The following COQ8A variants were observed in gnomAD, a reference collection of about 807,000 sequenced individuals.
COQ8A encodes coenzyme Q8A.
Under a neutral mutation model 65.0 loss-of-function variants are expected in COQ8A, and 51 were observed. The observed-to-expected ratio is 0.78, with a 90% CI of 0.63 to 0.99. The LOEUF is 0.99. COQ8A is among the 50% of genes least tolerant of loss of function. COQ8A has a pLI of 0.00. For missense variants in COQ8A, 940 were observed against 875.0 expected (o/e 1.07, Z -0.94); for synonymous variants, 371 against 353.2 (o/e 1.05, Z -0.57).
chr1:226,976,320 C>T (rs867719359), intron 4 of COQ8A, among the ~76,000 whole-genome samples: 49 of 117,576 alleles, frequency 4.2e-4, no homozygotes, highest in Non-Finnish European at 7.6e-4. Context: ...GCGATGTTGC[C>T]GGGCTGCGGG....
At chr1:226,961,097 G>A (rs1224207475) in intron 1 of COQ8A, among the ~76,000 whole-genome samples, 1 of 152,170 alleles carries the variant, frequency 6.6e-6, no homozygotes, top group African/African-American at 2.4e-5. Flanking sequence ...GTTTTCCGTA[G>A]GGTGCTTGTG....
Position 226,961,420 on chromosome 1 carries a change from C to T in COQ8A, c.35C>T (p.Ala12Val), listed in dbSNP as rs200052870. 1.7e-5 allele frequency: 27 copies of T among 1,613,700 alleles called. No homozygotes were observed. The highest frequency in any genetic ancestry group is 2.2e-5 in the Non-Finnish European group (26 of 1,180,046). Residue 12 changes from alanine to valine, a missense_variant, in exon 2 of 15, where the codon GCT becomes GTT. Physicochemically the swap from Ala to Val is moderately conservative, Grantham distance 64 (BLOSUM62 0). Coordinates refer to ENST00000366777, the MANE Select transcript of COQ8A (RefSeq NM_020247.5). Reference sequence around the variant, plus strand: ...ATATTGGGAGACACCATCATGGTGGCTAAAGGCCTTGTCAAGCTGACCCAG... The same window carrying T: ...ATATTGGGAGACACCATCATGGTGGTTAAAGGCCTTGTCAAGCTGACCCAG... The part of the protein sequence containing the change: ...AAILGDTIMV[A>V]KGLVKLTQAA...
chr1:226,954,882 T>A (rs1187864986), intron 1 of COQ8A, among the ~76,000 whole-genome samples: 1 of 152,172 alleles, frequency 6.6e-6, no homozygotes, highest in Non-Finnish European at 1.5e-5. Flanking sequence ...TGGTCACTGC[T>A]GTGCTGGAGG....
intron 1 of COQ8A, among the ~76,000 whole-genome samples, chr1:226,953,348 CTA>C (rs1657505506): frequency 6.6e-6 from 1 of 152,346 alleles, no homozygotes; most frequent in East Asian, 1.9e-4. Context: ...TTTTCAATGA[CTA>C]TGTGGAATGC....
Position 226,983,553 on chromosome 1 carries a change from AC to A in COQ8A, c.1085del (p.Pro362LeufsTer18), listed in dbSNP as rs1473126291. 1 of 1,613,544 alleles carries A rather than the reference AC, an allele frequency of 6.2e-7. No individual in the cohort carries two copies. The highest frequency in any genetic ancestry group is 8.5e-7 in the Non-Finnish European group (1 of 1,179,930). ...CCTGCCTCACCCATACCCCCACAGT[AC>A]CCTGGCGTGGCCCAGAGCATCAACA... Reference protein sequence around the residue: ...GGREVAMKIQYPGVAQSINSD... With the variant: ...GGREVAMKIQXPGVAQSINSD... On this transcript the variant is annotated frameshift_variant and splice_region_variant, in exon 9 of 15. Coordinates refer to ENST00000366777, the MANE Select transcript of COQ8A (RefSeq NM_020247.5). LOFTEE classifies it high-confidence loss of function.
In COQ8A at chr1:226,981,951, C is replaced by T. The variant is rs951915512; in HGVS notation, c.731-76C>T. The T allele has an allele frequency of 2.2e-5, 36 of 1,601,218 alleles. No homozygotes were observed. In the African/African-American group the frequency reaches 4.8e-4, roughly 21 times the overall value. On this transcript the variant is annotated intron_variant, in intron 5 of 14. Coordinates refer to ENST00000366777, the MANE Select transcript of COQ8A (RefSeq NM_020247.5). ...GGAAGGACATTGTCTGAGCCTCCGT[C>T]TGTATCAGGTGGGGCTTGCCATCCC... is the stretch of plus-strand genomic sequence containing the variant.
intron 1 of COQ8A, among the ~76,000 whole-genome samples, chr1:226,942,367 A>G (rs996923973): frequency 2.0e-5 from 3 of 151,938 alleles, no homozygotes; most frequent in African/African-American, 2.4e-5. Flanking sequence ...GGAGGTAGAC[A>G]CCCATGGGCA....
At position 226,949,667 on chromosome 1, in the gene COQ8A, G is replaced by A. The variant is rs968754340; in HGVS notation, c.-10+9268G>A. On this transcript the variant is annotated intron_variant, in intron 1 of 14. Coordinates refer to ENST00000366777, the MANE Select transcript of COQ8A (RefSeq NM_020247.5). The surrounding 1 kb of genome is among the most constrained non-coding windows in gnomAD (Gnocchi z 4.0). ...GACTGTGCCTGGCAGGAACAACTGC[G>A]GGTTATCCAGACTGATCCCATTCAC... 2.6e-5 allele frequency among the ~76,000 whole-genome samples: 4 copies of A among 152,118 alleles called. No homozygotes were observed. The highest frequency in any genetic ancestry group is 1.9e-4 in the East Asian group (1 of 5,184).
chr1:226,948,655 C>T (rs948775585), intron 1 of COQ8A, among the ~76,000 whole-genome samples: 14 of 152,164 alleles, frequency 9.2e-5, no homozygotes, highest in African/African-American at 2.9e-4. Flanking sequence ...TCAACGCTTG[C>T]GCTTGTAATT....
Position 226,984,925 on chromosome 1 carries a change from C to G in COQ8A, c.1556C>G (p.Thr519Ser), listed in dbSNP as rs141260985. The change falls in exon 13 of 15, where the codon ACC (threonine) becomes AGC (serine). Residue 519 changes from threonine (T) to serine (S), a missense_variant. Thr to Ser is a moderately conservative substitution (Grantham distance 58, BLOSUM62 1). Coordinates refer to ENST00000366777, the MANE Select transcript of COQ8A (RefSeq NM_020247.5). ...GATREYDRSF[T>S]DLYIQIIRAA... ...ACGCGGGAATATGACAGATCCTTCA[C>G]CGACCTCTACATTCAGGTAACTGGA... The G allele has an allele frequency of 5.5e-5, 88 of 1,614,108 alleles. No homozygotes were observed. The highest frequency in any genetic ancestry group is 4.2e-4 in the Admixed American group (25 of 60,008).
chr1:226,982,068 G>C lies in COQ8A; in HGVS notation c.772G>C (p.Ala258Pro). Reference sequence around the variant, plus strand: ...GGGTTCCAGTCCTTTCCTGTCCGAGGCCAATGCAGAGCGGATCGTGCGCAC... The same window carrying C: ...GGGTTCCAGTCCTTTCCTGTCCGAGCCCAATGCAGAGCGGATCGTGCGCAC... ...VLGSSPFLSE[A>P]NAERIVRTLC... Residue 258 changes from alanine to proline, a missense_variant, in exon 6 of 15, where the codon GCC (alanine) becomes CCC (proline). Transcript: ENST00000366777. 6.2e-7 allele frequency: 1 copy of C among 1,612,932 alleles called. No homozygotes were observed. The highest frequency in any genetic ancestry group is 2.2e-5 in the East Asian group (1 of 44,868).
Position 226,965,320 on chromosome 1 carries a change from CCA to C in COQ8A, c.499_500del (p.Gln167IlefsTer12). On this transcript the variant is annotated frameshift_variant, in exon 3 of 15. Transcript: ENST00000366777. LOFTEE classifies it high-confidence loss of function. ...GFQRRFFHQDQSPVGGLTAED... is the reference protein window; with the variant it reads ...GFQRRFFHQDXSPVGGLTAED... ...TTCAGCGAAGGTTCTTCCACCAGGA[CCA>C]ATCCCCTGTTGGGGGCCTCACAGCC... 1 of 1,613,736 alleles carries C rather than the reference CCA, an allele frequency of 6.2e-7. No homozygotes were observed. Among genetic ancestry groups the C allele is most frequent in the Non-Finnish European group, 8.5e-7 (1 of 1,179,986 alleles).
intron 4 of COQ8A, among the ~76,000 whole-genome samples, chr1:226,976,676 G>T (rs1006787656): frequency 2.0e-5 from 3 of 152,202 alleles, no homozygotes; most frequent in South Asian, 4.1e-4. Context: ...TCCTGGGCAG[G>T]GGTGGGGAGT....
intron 1 of COQ8A, among the ~76,000 whole-genome samples, chr1:226,950,799 C>T (rs1445510573): frequency 6.6e-6 from 1 of 151,944 alleles, no homozygotes; most frequent in Non-Finnish European, 1.5e-5. Context: ...GGATTCAGTG[C>T]CTGCTTTCAA....
At chr1:226,983,111 T>A in intron 8 of COQ8A, 77 bp downstream of exon 8, 1 of 1,516,564 alleles carries the variant, frequency 6.6e-7, no homozygotes, top group South Asian at 1.3e-5. Flanking sequence ...CATGGAGGCC[T>A]CTACACCCCA....
Position 226,982,978 on chromosome 1 carries a change from G to T in COQ8A, c.1024G>T (p.Gly342Trp), listed in dbSNP as rs1284960660. 1.2e-6 allele frequency: 2 copies of T among 1,602,972 alleles called. No individual in the cohort carries two copies. Among genetic ancestry groups the T allele is most frequent in the Non-Finnish European group, 1.7e-6 (2 of 1,175,376 alleles). ...EERPFAAASI[G>W]QVHLARMKGG... Reference sequence around the variant, plus strand: ...GCGGCCCTTCGCCGCCGCATCCATTGGGCAGGTGCACTTGGCCCGAATGAA... The same window carrying T: ...GCGGCCCTTCGCCGCCGCATCCATTTGGCAGGTGCACTTGGCCCGAATGAA... The change falls in exon 8 of 15, where the codon GGG becomes TGG. Residue 342 changes from glycine to tryptophan, a missense_variant. Coordinates refer to ENST00000366777, the MANE Select transcript of COQ8A (RefSeq NM_020247.5).
At position 226,977,650 on chromosome 1, in the gene COQ8A, A is replaced by C. The variant is rs926122749; in HGVS notation, c.730+127A>C. On this transcript the variant is annotated intron_variant, in intron 5 of 14. Coordinates refer to ENST00000366777, the MANE Select transcript of COQ8A (RefSeq NM_020247.5). ...GCCGCATTTGCATGGGGTTCCACGT[A>C]AGTGGCGTCCCTGGGGTGATGAGGC... is the stretch of plus-strand genomic sequence containing the variant. The C allele has an allele frequency of 3.8e-6, 4 of 1,045,652 alleles. No homozygotes were observed. The African/African-American group carries it at 6.3e-5, about 17-fold the overall frequency. 64.8% of individuals were successfully genotyped at this position (1,045,652 alleles called of 1,614,324 possible).
chr1:226,976,940 C>T (rs1659271927), intron 4 of COQ8A, among the ~76,000 whole-genome samples: 1 of 152,234 alleles, frequency 6.6e-6, no homozygotes, highest in Non-Finnish European at 1.5e-5. Flanking sequence ...AGTGTTCTCA[C>T]TCTCACCACC....
intron 12 of COQ8A, 41 bp downstream of exon 12, chr1:226,984,696 GCTT>G: frequency 6.3e-7 from 1 of 1,583,656 alleles, no homozygotes; most frequent in Non-Finnish European, 8.7e-7. Flanking sequence ...AGGCCTGAGA[GCTT>G]CTCCGAATGG....
Sources: gnomAD v4.1 joint callset for allele counts (sites outside exome capture counted in the v4.1 genomes callset) on GRCh38, gnomAD v4.1.1 for gene constraint, Gnocchi (gnomAD v3.1) non-coding constraint, MANE v1.5 for transcripts, NCBI Gene and HGNC (gene_info 2026-07-23, HGNC 2026-07-21) for gene names.